OR9I1: variants seen among roughly 807,000 people sequenced by gnomAD.
OR9I1 encodes olfactory receptor family 9 subfamily I member 1.
OR9I1 carries 7 observed loss-of-function variants against 11.2 expected under a neutral mutation model. The observed-to-expected ratio is 0.62, with a 90% CI of 0.36 to 1.17. The LOEUF is 1.17. Among genes scored for constraint, OR9I1 ranks in the 50% most tolerant of loss-of-function variants. The pLI, the probability that OR9I1 is intolerant of heterozygous loss-of-function variation, is 0.02. For synonymous variants in OR9I1, 165 were observed against 153.4 expected (o/e 1.08, Z -0.56); for missense variants, 428 against 377.2 (o/e 1.13, Z -1.12).
Position 58,117,725 on chromosome 11 carries a change from G to T in OR9I1, c.*775C>A, listed in dbSNP as rs1480191993. On this transcript the variant is annotated 3_prime_UTR_variant, in exon 3 of 3. Transcript: ENST00000641439. The stretch of plus-strand genomic sequence containing the variant: ...AACTGTTCCTGAGACACGCAATAGG[G>T]TGAGGAGGAGAAGCAATGTACCATG... 1 of 152,164 alleles carries T rather than the reference G, an allele frequency of 6.6e-6. No individual in the cohort carries two copies. The highest frequency in any genetic ancestry group is 1.5e-5 in the Non-Finnish European group (1 of 68,044). 9.4% of individuals were successfully genotyped at this position (152,164 alleles called of 1,614,324 possible). A position where few individuals can be genotyped will look rare whatever the true frequency, so the allele number is the denominator to read the frequency against.
Position 58,123,257 on chromosome 11 carries a change from A to G in OR9I1, c.-23+1181T>C, listed in dbSNP as rs1055131100. Among the ~76,000 whole-genome samples, 3 of 152,194 alleles carry G rather than the reference A, an allele frequency of 2.0e-5. No individual in the cohort carries two copies. The South Asian group carries it at 6.2e-4, about 32-fold the overall frequency. On this transcript the variant is annotated intron_variant, in intron 2 of 2. Coordinates refer to ENST00000641439, the MANE Select transcript of OR9I1 (RefSeq NM_001005211.2). ...TCTCCCTCCATTTTCCTATATCTTT[A>G]TAATCTATGGAAACAAAGAAATCTC... is the stretch of plus-strand genomic sequence containing the variant.
At position 58,119,152 on chromosome 11, in the gene OR9I1, G is replaced by A. The variant is rs147846129; in HGVS notation, c.293C>T (p.Ala98Val). 2.5e-5 allele frequency: 40 copies of A among 1,613,912 alleles called. No individual in the cohort carries two copies. The African/African-American group carries it at 4.5e-4, about 18-fold the overall frequency. Residue 98 changes from alanine to valine, a missense_variant, in exon 3 of 3, where the codon GCT becomes GTT. Coordinates refer to ENST00000641439, the MANE Select transcript of OR9I1 (RefSeq NM_001005211.2). ...GKTVISYGHC[A>V]AQFFLFTICA... ...GATGGTGAATAAAAAGAACTGGGCAGCACAGTGGCCGTAGGAGATGACCGT... is the reference window on the plus strand; with the variant it reads ...GATGGTGAATAAAAAGAACTGGGCAACACAGTGGCCGTAGGAGATGACCGT...
In OR9I1 at chr11:58,119,239, A is replaced by G. The variant is rs1193410563; in HGVS notation, c.206T>C (p.Leu69Pro). The change falls in exon 3 of 3, where the codon CTG becomes CCG. Residue 69 changes from leucine to proline, a missense_variant. By Grantham distance (98) the Leu-to-Pro change is moderately conservative. Transcript: ENST00000641439. ...MYFFLSHLSL[L>P]DACYTSVITP... ...GATGACTGAGGTGTAACAGGCATCC[A>G]GCAGGGAGAGGTGGCTCAGGAAGAA... The G allele has an allele frequency of 1.2e-6, 2 of 1,614,010 alleles. No homozygotes were observed. The highest frequency in any genetic ancestry group is 1.7e-5 in the Admixed American group (1 of 60,026).
At position 58,118,850 on chromosome 11, in the gene OR9I1, T is replaced by G; in HGVS notation, c.595A>C (p.Ile199Leu). ...ATCACAAAATTGCCAAAGAAGATGATGACAATCTCGATGTTTGCTGTGTCA... is the reference window on the plus strand; with the variant it reads ...ATCACAAAATTGCCAAAGAAGATGAGGACAATCTCGATGTTTGCTGTGTCA... ...CSDTANIEIV[I>L]IFFGNFVILA... The change falls in exon 3 of 3, where the codon ATC (isoleucine) becomes CTC (leucine). Residue 199 changes from isoleucine to leucine, a missense_variant. By Grantham distance (5) the Ile-to-Leu change is conservative. Coordinates refer to ENST00000641439, the MANE Select transcript of OR9I1 (RefSeq NM_001005211.2). 1 of 1,614,020 alleles carries G rather than the reference T, an allele frequency of 6.2e-7. No homozygotes were observed. The highest frequency in any genetic ancestry group is 8.5e-7 in the Non-Finnish European group (1 of 1,179,998).
chr11:58,123,161 A>G (rs1854052824), intron 2 of OR9I1, among the ~76,000 whole-genome samples: 1 of 152,234 alleles, frequency 6.6e-6, no homozygotes, highest in Non-Finnish European at 1.5e-5. Flanking sequence ...AATTACCTCC[A>G]AGTGAAAGTA....
chr11:58,118,666 A>G lies in OR9I1; in HGVS notation c.779T>C (p.Leu260Pro), dbSNP rs769202886. The stretch of plus-strand genomic sequence containing the variant: ...CAGAGATTTGCCTGAGCCACTTTGC[A>G]GATACATGAAGATAAGGGCTCCAAA... ...LFFGALIFMY[L>P]QSGSGKSLEE... The change falls in exon 3 of 3, where the codon CTG becomes CCG. Residue 260 changes from leucine (L) to proline (P), a missense_variant. Leu to Pro is a moderately conservative substitution (Grantham distance 98). Coordinates refer to ENST00000641439, the MANE Select transcript of OR9I1 (RefSeq NM_001005211.2). The G allele has an allele frequency of 6.2e-7, 1 of 1,613,900 alleles. No homozygotes were observed. The highest frequency in any genetic ancestry group is 1.3e-5 in the African/African-American group (1 of 74,930).
chr11:58,122,318 G>A (rs974865587), intron 2 of OR9I1, among the ~76,000 whole-genome samples: 5 of 152,198 alleles, frequency 3.3e-5, no homozygotes, highest in African/African-American at 4.8e-5. Flanking sequence ...GTCTGGGGAC[G>A]AGTCAGCTTC....
In OR9I1 at chr11:58,118,745, T is replaced by C. The variant is rs148991955; in HGVS notation, c.700A>G (p.Arg234Gly). 115 of 1,613,948 alleles carry C rather than the reference T, an allele frequency of 7.1e-5. No individual in the cohort carries two copies. Among genetic ancestry groups the C allele is most frequent in the Non-Finnish European group, 9.7e-5 (114 of 1,179,978 alleles). The part of the protein sequence containing the change: ...TILKVKSSGG[R>G]AKTFSTCASH... Reference sequence around the variant, plus strand: ...GCACATGTGGAGAAAGTCTTGGCCCTGCCACCTGAAGACTTCACTTTCAAA... The same window carrying C: ...GCACATGTGGAGAAAGTCTTGGCCCCGCCACCTGAAGACTTCACTTTCAAA... The change falls in exon 3 of 3, where the codon AGG becomes GGG. Residue 234 changes from arginine (R) to glycine (G), a missense_variant. Arg to Gly is a moderately radical substitution (Grantham distance 125). Coordinates refer to ENST00000641439, the MANE Select transcript of OR9I1 (RefSeq NM_001005211.2).
At position 58,124,423 on chromosome 11, in the gene OR9I1, A is replaced by C. The variant is rs1009040571; in HGVS notation, c.-23+15T>G. ...ACCCTTTACAGAAGAGATGGTCCCT[A>C]ACACTTGTACTTACTTTAACTTGGG... On this transcript the variant is annotated intron_variant, in intron 2 of 2. Coordinates refer to ENST00000641439, the MANE Select transcript of OR9I1 (RefSeq NM_001005211.2). 1 of 152,206 alleles carries C rather than the reference A, an allele frequency of 6.6e-6. No homozygotes were observed. The highest frequency in any genetic ancestry group is 2.4e-5 in the African/African-American group (1 of 41,460). The allele number at this position is 152,206 out of a possible 1,614,324, so 9.4% of individuals were successfully genotyped here. A position where few individuals can be genotyped will look rare whatever the true frequency, so the allele number is the denominator to read the frequency against.
chr11:58,123,047 C>G (rs1854051470), intron 2 of OR9I1, among the ~76,000 whole-genome samples: 1 of 151,382 alleles, frequency 6.6e-6, no homozygotes, highest in Non-Finnish European at 1.5e-5. Flanking sequence ...ACTGTGAGTG[C>G]TTTGCATATA....
At chr11:58,121,262 A>G (rs1854029604) in intron 2 of OR9I1, among the ~76,000 whole-genome samples, 1 of 152,196 alleles carries the variant, frequency 6.6e-6, no homozygotes, top group Non-Finnish European at 1.5e-5. Context: ...TCCTGTTGCC[A>G]TATGGTACAG....
intron 2 of OR9I1, among the ~76,000 whole-genome samples, chr11:58,120,869 CTAAG>C (rs1433447947): frequency 7.5e-5 from 11 of 147,472 alleles, no homozygotes; most frequent in African/African-American, 1.0e-4. Context: ...TTGACCTTCA[CTAAG>C]TAAGATGAAG....
chr11:58,124,071 G>A (rs930467237), intron 2 of OR9I1, among the ~76,000 whole-genome samples: 8 of 152,178 alleles, frequency 5.3e-5, no homozygotes, highest in South Asian at 2.1e-4. Flanking sequence ...TTTCAGACAG[G>A]CAATTTCCAA....
chr11:58,122,472 A>G lies in OR9I1; in HGVS notation c.-23+1966T>C, dbSNP rs537430618. ...TTCTATGAAATGGCAGAGCTAGGTT[A>G]TATGACCACTGAATCTTTTGTTTCT... On this transcript the variant is annotated intron_variant, in intron 2 of 2. Transcript: ENST00000641439. Among the ~76,000 whole-genome samples, 9 of 152,358 alleles carry G rather than the reference A, an allele frequency of 5.9e-5. No individual in the cohort carries two copies. In the South Asian group the frequency reaches 1.9e-3, roughly 32 times the overall value.
intron 2 of OR9I1, among the ~76,000 whole-genome samples, chr11:58,122,897 A>G (rs1243879763): frequency 6.6e-6 from 1 of 151,916 alleles, no homozygotes; most frequent in Non-Finnish European, 1.5e-5. Flanking sequence ...ATATTGTGAC[A>G]TAAATCTCAT....
rs995173684 is a variant in OR9I1 at position 58,117,917 on chromosome 11, G to A, written c.*583C>T. Reference sequence around the variant, plus strand: ...TTGTTCTGGCCTGAGCAAGAAGGAAGACACTCTAAGCGGGTGACACAAGTC... The same window carrying A: ...TTGTTCTGGCCTGAGCAAGAAGGAAAACACTCTAAGCGGGTGACACAAGTC... On this transcript the variant is annotated 3_prime_UTR_variant, in exon 3 of 3. Coordinates refer to ENST00000641439, the MANE Select transcript of OR9I1 (RefSeq NM_001005211.2). 2 of 152,218 alleles carry A rather than the reference G, an allele frequency of 1.3e-5. No homozygotes were observed. The highest frequency in any genetic ancestry group is 4.8e-5 in the African/African-American group (2 of 41,430). The allele number at this position is 152,218 out of a possible 1,614,324, so 9.4% of individuals were successfully genotyped here.
rs1565080838 is a variant in OR9I1 at position 58,118,374 on chromosome 11, G to T, written c.*126C>A. The T allele has an allele frequency of 3.0e-6, 2 of 656,960 alleles. No individual in the cohort carries two copies. The highest frequency in any genetic ancestry group is 4.3e-5 in the South Asian group (2 of 46,610). The allele number at this position is 656,960 out of a possible 1,614,324, so 40.7% of individuals were successfully genotyped here. ...ACCACAATTGTAGTTTTTCCTGTGTGCCTGGTGGTACCTATCTTCTGTCTT... is the reference window on the plus strand; with the variant it reads ...ACCACAATTGTAGTTTTTCCTGTGTTCCTGGTGGTACCTATCTTCTGTCTT... On this transcript the variant is annotated 3_prime_UTR_variant, in exon 3 of 3. Transcript: ENST00000641439.
rs569558741 is a variant in OR9I1, at chr11:58,118,440, A to G, written c.*60T>C. ...TAGGTTGCATATAGTAATGGTGCCTATTAGGATATATTCATATGGGAAGAA... is the reference window on the plus strand; with the variant it reads ...TAGGTTGCATATAGTAATGGTGCCTGTTAGGATATATTCATATGGGAAGAA... On this transcript the variant is annotated 3_prime_UTR_variant, in exon 3 of 3. Transcript: ENST00000641439. The G allele has an allele frequency of 5.5e-5, 61 of 1,115,118 alleles. No homozygotes were observed. Among genetic ancestry groups the G allele is most frequent in the Middle Eastern group, 3.0e-4 (1 of 3,334 alleles). 69.1% of individuals were successfully genotyped at this position (1,115,118 alleles called of 1,614,324 possible).
chr11:58,125,231 T>TC (rs1854077681), intron 1 of OR9I1, 43 bp downstream of exon 1: 1 of 47,534 alleles, frequency 2.1e-5, no homozygotes, highest in Non-Finnish European at 3.9e-5. Context: ...ATTCCCCCCT[T>TC]ACCCACCGCC....
Sources: gnomAD v4.1 joint callset for allele counts (sites outside exome capture counted in the v4.1 genomes callset) on GRCh38, gnomAD v4.1.1 for gene constraint, MANE v1.5 for transcripts, NCBI Gene and HGNC (gene_info 2026-07-23, HGNC 2026-07-21) for gene names.